ZNF850: variants seen among roughly 807,000 people sequenced by gnomAD.
The protein encoded by ZNF850 is zinc finger protein 850.
In ZNF850, 2 loss-of-function variants were observed where a neutral mutation model predicts 11.9. The observed-to-expected ratio is 0.17, with a 90% CI of 0.07 to 0.53. The LOEUF is 0.53. ZNF850 is among the 20% of genes least tolerant of loss of function. ZNF850 has a pLI of 0.94. For missense variants in ZNF850, 1,014 were observed against 1,316.4 expected (o/e 0.77, Z 3.55); for synonymous variants, 381 against 443.0 (o/e 0.86, Z 1.76).
In ZNF850 at chr19:36,745,276, C is replaced by T. The variant is rs1016082618; in HGVS notation, c.*2491G>A. The T allele has an allele frequency of 6.6e-6, 1 of 151,950 alleles. No homozygotes were observed. Among genetic ancestry groups the T allele is most frequent in the African/African-American group, 2.4e-5 (1 of 41,332 alleles). The allele number at this position is 151,950 out of a possible 1,614,324, so 9.4% of individuals were successfully genotyped here. A position where few individuals can be genotyped will look rare whatever the true frequency, so the allele number is the denominator to read the frequency against. ...TTAGAGAAGTGTTAAATTTTTTAAA[C>T]GCAAGTGTAATTTAAATAGAATGAA... is the stretch of plus-strand genomic sequence containing the variant. On this transcript the variant is annotated 3_prime_UTR_variant, in exon 5 of 5. Transcript: ENST00000591344.
At chr19:36,768,481 ATAGTTT>A (rs2040561607) in intron 1 of ZNF850, among the ~76,000 whole-genome samples, 2 of 152,148 alleles carry the variant, frequency 1.3e-5, no homozygotes, top group Non-Finnish European at 2.9e-5. Flanking sequence ...TCTTTCAAAC[ATAGTTT>A]TAATTAGTTG....
chr19:36,755,688 G>A (rs575870369), intron 4 of ZNF850, among the ~76,000 whole-genome samples: 8 of 146,058 alleles, frequency 5.5e-5, no homozygotes, highest in Admixed American at 1.4e-4. Flanking sequence ...AGAGCACTTC[G>A]CAATAAAAAA....
intron 1 of ZNF850, among the ~76,000 whole-genome samples, chr19:36,764,761 C>G (rs2040539896): frequency 7.6e-6 from 1 of 132,394 alleles, no homozygotes; most frequent in Non-Finnish European, 1.5e-5. Flanking sequence ...CAGTCTCGCT[C>G]TGTCGCCCAG....
At chr19:36,752,429 A>C (rs2040459419) in intron 4 of ZNF850, among the ~76,000 whole-genome samples, 1 of 152,228 alleles carries the variant, frequency 6.6e-6, no homozygotes, top group Non-Finnish European at 1.5e-5. Context: ...AGATGGGACA[A>C]GTTGAGCATG....
Position 36,748,375 on chromosome 19 carries a change from G to A in ZNF850, c.2665C>T (p.Arg889Ter), listed in dbSNP as rs1358458507. Residue 889 changes from arginine to a stop codon, truncating the protein, a stop_gained, in exon 5 of 5, where the codon CGA becomes TGA. Coordinates refer to ENST00000591344, the MANE Select transcript of ZNF850 (RefSeq NM_001193552.2). LOFTEE classifies it low-confidence loss of function (END_TRUNC). ...TAGGGTTTCTCACCAGTGTGAATTCGCCGATGTTGGATTATTGCTGAGCGA... is the reference window on the plus strand; with the variant it reads ...TAGGGTTTCTCACCAGTGTGAATTCACCGATGTTGGATTATTGCTGAGCGA... Reference protein sequence around the residue: ...AFRSAIIQHRRIHTGEKPYDC... With the variant: ...AFRSAIIQHR The A allele has an allele frequency of 4.5e-6, 7 of 1,565,068 alleles. No homozygotes were observed. Among genetic ancestry groups the A allele is most frequent in the East Asian group, 2.3e-5 (1 of 43,022 alleles).
At chr19:36,757,417 C>T (rs755153605) in intron 4 of ZNF850, among the ~76,000 whole-genome samples, 8 of 150,882 alleles carry the variant, frequency 5.3e-5, no homozygotes, top group Non-Finnish European at 1.0e-4. Context: ...ATGAGTCACT[C>T]CTAAAAATTA....
chr19:36,753,430 A>AAAAAAAAAAAAC (rs2040466280), intron 4 of ZNF850, among the ~76,000 whole-genome samples: 1 of 133,748 alleles, frequency 7.5e-6, no homozygotes, highest in Admixed American at 7.1e-5. Flanking sequence ...CTCAAAAAAA[A>AAAAAAAAAAAAC]AAAAAAAAAA....
intron 1 of ZNF850, among the ~76,000 whole-genome samples, chr19:36,766,706 G>C (rs1285814188): frequency 6.6e-6 from 1 of 152,000 alleles, no homozygotes; most frequent in Non-Finnish European, 1.5e-5. Flanking sequence ...TTTTCTTTAT[G>C]GTTTCTTTTC....
intron 4 of ZNF850, among the ~76,000 whole-genome samples, chr19:36,755,906 CTTTTT>C (rs5827965): frequency 3.4e-5 from 4 of 118,064 alleles, no homozygotes; most frequent in Non-Finnish European, 5.2e-5. Flanking sequence ...AGTTTTTAGC[CTTTTT>C]TTTTTTTTTT....
chr19:36,770,968 A>G (rs2040578284), intron 1 of ZNF850, among the ~76,000 whole-genome samples: 1 of 152,142 alleles, frequency 6.6e-6, no homozygotes, highest in South Asian at 2.1e-4. Flanking sequence ...AAATATAGCA[A>G]AGTGAAAGAT....
chr19:36,749,320 A>G lies in ZNF850; in HGVS notation c.1720T>C (p.Ser574Pro). The G allele has an allele frequency of 6.4e-7, 1 of 1,556,822 alleles. No homozygotes were observed. The highest frequency in any genetic ancestry group is 8.7e-7 in the Non-Finnish European group (1 of 1,155,292). Reference sequence around the variant, plus strand: ...ATTCGCTGATGTTGAATTAGTGCTGAGCGAGAAGTAAAAGATTTTCCACAT... The same window carrying G: ...ATTCGCTGATGTTGAATTAGTGCTGGGCGAGAAGTAAAAGATTTTCCACAT... ...KECGKSFTSR[S>P]ALIQHQRIHT... is the part of the protein sequence containing the mutation. Residue 574 changes from serine to proline, a missense_variant, in exon 5 of 5, where the codon TCA becomes CCA. Coordinates refer to ENST00000591344, the MANE Select transcript of ZNF850 (RefSeq NM_001193552.2).
At chr19:36,771,674 A>G (rs1480165975) in intron 1 of ZNF850, among the ~76,000 whole-genome samples, 3 of 152,146 alleles carry the variant, frequency 2.0e-5, no homozygotes, top group Non-Finnish European at 2.9e-5. Context: ...CCGCGCTCAC[A>G]GTCTAAAGCA....
At chr19:36,753,415 A>T in intron 4 of ZNF850, among the ~76,000 whole-genome samples, 1 of 108,468 alleles carries the variant, frequency 9.2e-6, no homozygotes, top group Non-Finnish European at 1.9e-5. Flanking sequence ...AGCCTGGGAC[A>T]CTGTCTCAAA....
rs1322844323 is a variant in ZNF850 at position 36,747,120 on chromosome 19, C to G, written c.*647G>C. 1 of 154,992 alleles carries G rather than the reference C, an allele frequency of 6.5e-6. No individual in the cohort carries two copies. The highest frequency in any genetic ancestry group is 2.4e-5 in the African/African-American group (1 of 41,494). 9.6% of individuals were successfully genotyped at this position (154,992 alleles called of 1,614,324 possible). On this transcript the variant is annotated 3_prime_UTR_variant, in exon 5 of 5. Transcript: ENST00000591344. Reference sequence around the variant, plus strand: ...GAGCCAAGATAGCACCACTGCACTCCAGCCTGGGCAACAGAGCAAGACTCT... The same window carrying G: ...GAGCCAAGATAGCACCACTGCACTCGAGCCTGGGCAACAGAGCAAGACTCT...
intron 1 of ZNF850, among the ~76,000 whole-genome samples, chr19:36,767,105 C>T (rs2040553534): frequency 6.6e-6 from 1 of 152,024 alleles, no homozygotes; most frequent in Non-Finnish European, 1.5e-5. Context: ...GGCGTGGTGG[C>T]AGGTGCCTGT....
Position 36,750,636 on chromosome 19 carries a change from T to C in ZNF850, c.404A>G (p.Glu135Gly). ...CATTATTGCTTTTTCCAAATATCGCTCCTGATTTATATCTTGGTGCTGAAA... is the reference window on the plus strand; with the variant it reads ...CATTATTGCTTTTTCCAAATATCGCCCCTGATTTATATCTTGGTGCTGAAA... ...GQFQHQDINQ[E>G]RYLEKAIMTY... Residue 135 changes from glutamate (E) to glycine (G), a missense_variant, in exon 5 of 5, where the codon GAG (glutamate) becomes GGG (glycine). Around this residue, in one of 2 missense-constraint regions of ZNF850, gnomAD observed 835 missense variants for 1,022.0 expected, o/e 0.82. Transcript: ENST00000591344. 1.3e-6 allele frequency: 2 copies of C among 1,536,138 alleles called. No individual in the cohort carries two copies. The highest frequency in any genetic ancestry group is 1.7e-6 in the Non-Finnish European group (2 of 1,146,924).
At chr19:36,770,110 T>G (rs2040572220) in intron 1 of ZNF850, among the ~76,000 whole-genome samples, 1 of 152,184 alleles carries the variant, frequency 6.6e-6, no homozygotes, top group South Asian at 2.1e-4. Flanking sequence ...GGGCGAGGTA[T>G]GGGGCAAGGG....
intron 4 of ZNF850, among the ~76,000 whole-genome samples, chr19:36,760,714 A>C: frequency 6.6e-6 from 1 of 151,850 alleles, no homozygotes; most frequent in East Asian, 2.0e-4. Context: ...AAAATACAAA[A>C]AGTAGCCAGT....
chr19:36,770,703 CAAAAAAAAAAAAAAA>C lies in ZNF850; in HGVS notation c.-70+2007_-70+2021del, dbSNP rs567709722. ...TCTGGGCGACAGAGAGAGACTCCATCAAAAAAAAAAAAAAAAAAAAAAAAAAAAAAAAAAAGCCAG... is the reference window on the plus strand; with the variant it reads ...TCTGGGCGACAGAGAGAGACTCCATCAAAAAAAAAAAAAAAAAAAAGCCAG... On this transcript the variant is annotated intron_variant, in intron 1 of 4. Transcript: ENST00000591344. 4.7e-3 allele frequency among the ~76,000 whole-genome samples: 312 copies of C among 66,580 alleles called. 1 individual carries two copies. The highest frequency in any genetic ancestry group is 6.3e-3 in the Non-Finnish European group (202 of 31,900). 43.7% of individuals were successfully genotyped at this position (66,580 alleles called of 152,430 possible). A position where few individuals can be genotyped will look rare whatever the true frequency, so the allele number is the denominator to read the frequency against.
Sources: allele counts gnomAD v4.1 joint callset (sites outside exome capture counted in the v4.1 genomes callset), GRCh38; gene constraint gnomAD v4.1.1; regional missense constraint gnomAD v4.1.1; transcripts MANE v1.5; gene names NCBI Gene and HGNC (gene_info 2026-07-23, HGNC 2026-07-21).